Variants in DLG2 observed in about 807,000 individuals in gnomAD.
DLG2 encodes the protein disks large homolog 2.
Under a neutral mutation model 132.5 loss-of-function variants are expected in DLG2, and 45 were observed. That is an observed-to-expected ratio of 0.34 (90% confidence interval 0.27 to 0.44). The LOEUF (loss-of-function observed/expected upper bound fraction) is 0.44, where lower values mean the gene tolerates loss of function less well. Ranked by LOEUF, DLG2 falls within the 20% of genes least tolerant of loss-of-function variation. The pLI, the probability that DLG2 is intolerant of heterozygous loss-of-function variation, is 1.00. For synonymous variants in DLG2, 424 were observed against 419.6 expected (o/e 1.01, Z -0.13); for missense variants, 1,045 against 1,196.9 (o/e 0.87, Z 1.87).
intron 7 of DLG2, among the ~76,000 whole-genome samples, chr11:84,524,719 A>G (rs186500565): frequency 9.2e-5 from 14 of 152,324 alleles, no homozygotes; most frequent in Admixed American, 4.6e-4. Flanking sequence ...AATATCAAGA[A>G]TCAGAATAGT....
intron 6 of DLG2, among the ~76,000 whole-genome samples, chr11:84,989,666 A>G (rs2056875995): frequency 6.6e-6 from 1 of 152,236 alleles, no homozygotes; most frequent in African/African-American, 2.4e-5. Context: ...AATATCTAAA[A>G]CAAATTGAAA....
intron 7 of DLG2, among the ~76,000 whole-genome samples, chr11:84,501,845 G>A (rs2099206745): frequency 6.6e-6 from 1 of 152,020 alleles, no homozygotes; most frequent in Non-Finnish European, 1.5e-5. Flanking sequence ...AAATGATATA[G>A]TAGAAAAACC....
At chr11:83,478,947 A>AT (rs908974382) in intron 22 of DLG2, among the ~76,000 whole-genome samples, 11 of 151,738 alleles carry the variant, frequency 7.2e-5, no homozygotes, top group South Asian at 2.1e-4. Flanking sequence ...GGAGAGGCAA[A>AT]TTTTTTTTCT....
intron 7 of DLG2, among the ~76,000 whole-genome samples, chr11:84,283,909 A>T (rs1025247826): frequency 1.3e-5 from 2 of 152,124 alleles, no homozygotes; most frequent in African/African-American, 4.8e-5. Context: ...TATTAAAAAG[A>T]TCTATGGTGA....
intron 6 of DLG2, among the ~76,000 whole-genome samples, chr11:85,035,317 T>C (rs1566701636): frequency 6.6e-6 from 1 of 152,198 alleles, no homozygotes; most frequent in Non-Finnish European, 1.5e-5. Flanking sequence ...GCACTGTATT[T>C]ATGTGTTTCA....
chr11:85,293,339 A>G (rs957354325), intron 3 of DLG2, among the ~76,000 whole-genome samples: 1 of 152,158 alleles, frequency 6.6e-6, no homozygotes, highest in African/African-American at 2.4e-5. Context: ...AGGAGATAGG[A>G]GCAACAGTTG....
chr11:83,615,118 C>T (rs992525793), intron 19 of DLG2, among the ~76,000 whole-genome samples: 1 of 152,106 alleles, frequency 6.6e-6, no homozygotes, highest in Non-Finnish European at 1.5e-5. Flanking sequence ...ATATTCATTA[C>T]CAGGCAAGTT....
intron 7 of DLG2, among the ~76,000 whole-genome samples, chr11:84,470,107 G>A (rs1200827198): frequency 6.6e-6 from 1 of 151,704 alleles, no homozygotes; most frequent in East Asian, 1.9e-4. Context: ...TAATCTTATA[G>A]GACAATTGTC....
chr11:85,346,436 C>T (rs757225339), intron 3 of DLG2, among the ~76,000 whole-genome samples: 30 of 152,102 alleles, frequency 2.0e-4, no homozygotes, highest in Admixed American at 9.8e-4. Context: ...GATCTGCCCG[C>T]CTCGGCCTCC....
chr11:85,463,218 G>A (rs1307944875), intron 3 of DLG2, among the ~76,000 whole-genome samples: 1 of 152,134 alleles, frequency 6.6e-6, no homozygotes, highest in Non-Finnish European at 1.5e-5. Context: ...ATCAAGGTTG[G>A]ATACATTATC....
chr11:83,690,499 TAGAG>T (rs1451500032), intron 18 of DLG2, among the ~76,000 whole-genome samples: 1 of 152,046 alleles, frequency 6.6e-6, no homozygotes, highest in Non-Finnish European at 1.5e-5. Flanking sequence ...CAGTGGCAAA[TAGAG>T]AGTCAATATT....
rs1022988392 is a variant in DLG2 at position 83,584,200 on chromosome 11, G to C, written c.1941-42342C>G. On this transcript the variant is annotated intron_variant, in intron 19 of 27. Coordinates refer to ENST00000376104, the MANE Select transcript of DLG2 (RefSeq NM_001142699.3). ...TATTAGAGTCACAATGAGTCACTAA[G>C]GGTCTATGGTGGAAGACACTATCTT... 3.9e-5 allele frequency among the ~76,000 whole-genome samples: 6 copies of C among 152,174 alleles called. 1 individual carries two copies. Among genetic ancestry groups the C allele is most frequent in the Admixed American group, 2.6e-4 (4 of 15,276 alleles).
In DLG2 at chr11:84,214,378, AAT is replaced by A. The variant is rs1024567820; in HGVS notation, c.573+36858_573+36859del. ...ATGTTTATATACAAACATACATATA[AAT>A]ATGTTTTATATATGTGTAAACATGC... is the stretch of plus-strand genomic sequence containing the variant. On this transcript the variant is annotated intron_variant, in intron 8 of 27. Coordinates refer to ENST00000376104, the MANE Select transcript of DLG2 (RefSeq NM_001142699.3). 6.6e-5 allele frequency among the ~76,000 whole-genome samples: 10 copies of A among 150,408 alleles called. No homozygotes were observed. The South Asian group carries it at 8.3e-4, about 13-fold the overall frequency.
chr11:83,791,839 G>A lies in DLG2; in HGVS notation c.1723-5047C>T, dbSNP rs139521130. On this transcript the variant is annotated intron_variant, in intron 17 of 27. Transcript: ENST00000376104. ...GCTGCGCTCGCCTTTCCTCCAGCAAGTCCTTCTCCCGCCTCCTTCCTCCTC... is the reference window on the plus strand; with the variant it reads ...GCTGCGCTCGCCTTTCCTCCAGCAAATCCTTCTCCCGCCTCCTTCCTCCTC... Among the ~76,000 whole-genome samples the A allele has an allele frequency of 8.0e-3, 1,223 of 152,316 alleles. 11 individuals carry two copies. The highest frequency in any genetic ancestry group is 0.012 in the Non-Finnish European group (830 of 68,026).
At chr11:84,278,451 G>T (rs1419882905) in intron 7 of DLG2, among the ~76,000 whole-genome samples, 2 of 122,846 alleles carry the variant, frequency 1.6e-5, no homozygotes, top group Non-Finnish European at 3.3e-5. Flanking sequence ...GAACTCAAGA[G>T]GAACAAATAC....
intron 7 of DLG2, among the ~76,000 whole-genome samples, chr11:84,484,667 G>A (rs1275658736): frequency 2.6e-5 from 4 of 152,006 alleles, no homozygotes; most frequent in Non-Finnish European, 4.4e-5. Flanking sequence ...CCCCAATTTC[G>A]ACTGGCTCTG....
chr11:84,108,257 C>T (rs557592689), intron 9 of DLG2, among the ~76,000 whole-genome samples: 4 of 152,100 alleles, frequency 2.6e-5, no homozygotes, highest in South Asian at 2.1e-4. Flanking sequence ...TAAAGCAGCA[C>T]TCAGTGTTAG....
At chr11:83,786,119 A>T (rs1025506573) in intron 18 of DLG2, among the ~76,000 whole-genome samples, 1 of 152,222 alleles carries the variant, frequency 6.6e-6, no homozygotes, top group Non-Finnish European at 1.5e-5. Flanking sequence ...GGGCATGGCT[A>T]ATCCAATTTA....
intron 8 of DLG2, 98 bp downstream of exon 8, chr11:84,251,140 T>C (rs746448335): frequency 1.4e-6 from 1 of 692,912 alleles, no homozygotes; most frequent in Non-Finnish European, 2.3e-6. Flanking sequence ...CATAAGATTA[T>C]TTAGTTTGGG....
Sources: allele counts gnomAD v4.1 joint callset (sites outside exome capture counted in the v4.1 genomes callset), GRCh38; gene constraint gnomAD v4.1.1; transcripts MANE v1.5; gene names NCBI Gene and HGNC (gene_info 2026-07-23, HGNC 2026-07-21).